Variants in ANTXR1 observed in about 807,000 individuals in gnomAD.
ANTXR1 encodes the protein anthrax toxin receptor 1.
In ANTXR1, 19 loss-of-function variants were observed where a neutral mutation model predicts 78.1. The ratio of observed to expected loss-of-function variants is 0.24; its 90% CI spans 0.17 to 0.36. The LOEUF is 0.36. Ranked by LOEUF, ANTXR1 falls within the 10% of genes least tolerant of loss-of-function variation. The probability of loss-of-function intolerance (pLI) is 1.00; values close to 1 mark genes in which losing one functional copy is unlikely to be tolerated. For missense variants in ANTXR1, 518 were observed against 718.6 expected (o/e 0.72, Z 3.19); for synonymous variants, 273 against 260.5 (o/e 1.05, Z -0.46).
At chr2:69,159,436 AGTT>A (rs1290421479) in intron 13 of ANTXR1, among the ~76,000 whole-genome samples, 1 of 152,186 alleles carries the variant, frequency 6.6e-6, no homozygotes, top group Non-Finnish European at 1.5e-5. Flanking sequence ...TCCGGAAATT[AGTT>A]GCATAATTAT....
chr2:69,246,294 C>T lies in ANTXR1; in HGVS notation c.*809C>T, dbSNP rs1036687798. ...TGGCCAGACATGGACCCTAAATCAA[C>T]AGACAATGGCATTGTCGAAGAGCAA... On this transcript the variant is annotated 3_prime_UTR_variant, in exon 18 of 18. Transcript: ENST00000303714. 9 of 152,180 alleles carry T rather than the reference C, an allele frequency of 5.9e-5. No individual in the cohort carries two copies. The highest frequency in any genetic ancestry group is 2.2e-4 in the African/African-American group (9 of 41,438). The allele number at this position is 152,180 out of a possible 1,614,324, so 9.4% of individuals were successfully genotyped here.
intron 1 of ANTXR1, among the ~76,000 whole-genome samples, chr2:69,021,494 C>T (rs185495639): frequency 2.0e-5 from 3 of 152,250 alleles, no homozygotes; most frequent in African/African-American, 7.2e-5. Flanking sequence ...TTCTGGGAGC[C>T]AGGCTGGTGG....
At chr2:69,137,757 C>T (rs1357951484) in intron 12 of ANTXR1, among the ~76,000 whole-genome samples, 2 of 144,870 alleles carry the variant, frequency 1.4e-5, no homozygotes, top group African/African-American at 5.2e-5. Context: ...CCACCCTATG[C>T]TGTGCAAGAG....
intron 1 of ANTXR1, among the ~76,000 whole-genome samples, chr2:69,018,747 C>A (rs1429543013): frequency 1.3e-5 from 2 of 151,968 alleles, no homozygotes; most frequent in Non-Finnish European, 2.9e-5. Context: ...GACTCCCAGA[C>A]CAGCTCTTTC....
At chr2:69,244,440 C>A (rs1558671181) in intron 17 of ANTXR1, among the ~76,000 whole-genome samples, 1 of 152,214 alleles carries the variant, frequency 6.6e-6, no homozygotes, top group African/African-American at 2.4e-5. Flanking sequence ...ACAGCCAGAA[C>A]AAGGGCAGGA....
intron 12 of ANTXR1, among the ~76,000 whole-genome samples, chr2:69,128,108 C>T (rs1358502209): frequency 2.0e-5 from 3 of 152,026 alleles, no homozygotes; most frequent in Non-Finnish European, 4.4e-5. Context: ...CCTGTAGTCC[C>T]AGCTACTTTG....
rs1670921980 is a variant in ANTXR1, at chr2:69,013,381, G to A, written c.-119G>A. On this transcript the variant is annotated 5_prime_UTR_variant, in exon 1 of 18. Transcript: ENST00000303714. The surrounding 1 kb of genome is among the most constrained non-coding windows in gnomAD (Gnocchi z 5.0). The stretch of plus-strand genomic sequence containing the variant: ...CAATTGCTTCCGGGGAGTTGCGAGG[G>A]AGCGAGGGGGAATAAAGGACCCGCG... The A allele has an allele frequency of 7.2e-7, 1 of 1,387,684 alleles. No homozygotes were observed. Among genetic ancestry groups the A allele is most frequent in the Non-Finnish European group, 9.9e-7 (1 of 1,006,396 alleles). The allele number at this position is 1,387,684 out of a possible 1,614,324, so 86.0% of individuals were successfully genotyped here.
chr2:69,108,318 C>T (rs1333040500), intron 10 of ANTXR1, among the ~76,000 whole-genome samples: 1 of 152,046 alleles, frequency 6.6e-6, no homozygotes, highest in African/African-American at 2.4e-5. Flanking sequence ...AGAGAGTGAA[C>T]AGAACTACTA....
rs550095686 is a variant in ANTXR1 at position 69,226,776 on chromosome 2, A to G, written c.1435-18449A>G. Among the ~76,000 whole-genome samples, 6 of 152,342 alleles carry G rather than the reference A, an allele frequency of 3.9e-5. No homozygotes were observed. In the East Asian group the frequency reaches 1.2e-3, roughly 29 times the overall value. ...TGGTAATTAGCGACATTCTTTATTT[A>G]TAATCCAGGTGCTGAAATCCCCCCA... On this transcript the variant is annotated intron_variant, in intron 17 of 17. Coordinates refer to ENST00000303714, the MANE Select transcript of ANTXR1 (RefSeq NM_032208.3).
chr2:69,179,646 A>T (rs1455181416), intron 14 of ANTXR1, among the ~76,000 whole-genome samples: 1 of 152,228 alleles, frequency 6.6e-6, no homozygotes. Flanking sequence ...AGACTGGCCA[A>T]TGCTGAGAAA....
At chr2:69,226,534 C>T (rs1675459719) in intron 17 of ANTXR1, among the ~76,000 whole-genome samples, 1 of 152,090 alleles carries the variant, frequency 6.6e-6, no homozygotes, top group Non-Finnish European at 1.5e-5. Flanking sequence ...TGCTGCAAGC[C>T]AGGAGCAGCA....
chr2:69,029,167 T>A (rs1182951297), intron 1 of ANTXR1, among the ~76,000 whole-genome samples: 1 of 151,922 alleles, frequency 6.6e-6, no homozygotes, highest in Non-Finnish European at 1.5e-5. Flanking sequence ...AGGCAGAGAT[T>A]GCAGTGAGCC....
In ANTXR1 at chr2:69,224,876, T is replaced by A. The variant is rs115227967; in HGVS notation, c.1435-20349T>A. ...TGTGACTAACATATGAAAAGAAATC[T>A]TCTTGGAGATTAAACAAGTCTCTCT... On this transcript the variant is annotated intron_variant, in intron 17 of 17. Coordinates refer to ENST00000303714, the MANE Select transcript of ANTXR1 (RefSeq NM_032208.3). Among the ~76,000 whole-genome samples the A allele has an allele frequency of 5.4e-3, 829 of 152,334 alleles. 8 individuals carry two copies. Among genetic ancestry groups the A allele is most frequent in the African/African-American group, 0.019 (795 of 41,576 alleles).
intron 17 of ANTXR1, among the ~76,000 whole-genome samples, chr2:69,210,935 C>CAAAAAAAA (rs1159790329): frequency 4.6e-5 from 2 of 43,504 alleles, no homozygotes; most frequent in Non-Finnish European, 1.1e-4. Context: ...GACTCCATCA[C>CAAAAAAAA]AAAAAAAAAA....
chr2:69,218,008 T>C (rs1675221419), intron 17 of ANTXR1, among the ~76,000 whole-genome samples: 1 of 152,142 alleles, frequency 6.6e-6, no homozygotes, highest in Non-Finnish European at 1.5e-5. Flanking sequence ...ATGGACAGGT[T>C]CTTCAGGGTG....
chr2:69,160,816 C>T (rs997311399), intron 13 of ANTXR1, among the ~76,000 whole-genome samples: 1 of 152,146 alleles, frequency 6.6e-6, no homozygotes, highest in African/African-American at 2.4e-5. Flanking sequence ...CTGTCACTAC[C>T]TGTACTCTCC....
intron 12 of ANTXR1, among the ~76,000 whole-genome samples, chr2:69,128,243 T>C (rs1672613042): frequency 6.7e-6 from 1 of 149,222 alleles, no homozygotes. Context: ...AAAAAAAAAT[T>C]TGTTTAGCCC....
intron 16 of ANTXR1, among the ~76,000 whole-genome samples, chr2:69,187,585 CTTTTTT>C (rs58660678): frequency 2.1e-5 from 2 of 94,898 alleles, no homozygotes; most frequent in African/African-American, 4.6e-5. Flanking sequence ...TCATGTATTT[CTTTTTT>C]TTTTTTTTTT....
intron 16 of ANTXR1, among the ~76,000 whole-genome samples, chr2:69,185,334 T>C (rs1278199325): frequency 6.7e-6 from 1 of 149,766 alleles, no homozygotes; most frequent in African/African-American, 2.5e-5. Flanking sequence ...AGGTCAGGAG[T>C]TTGAGACCAG....
Sources: gnomAD v4.1 joint callset for allele counts (sites outside exome capture counted in the v4.1 genomes callset) on GRCh38, gnomAD v4.1.1 for gene constraint, Gnocchi (gnomAD v3.1) non-coding constraint, MANE v1.5 for transcripts, NCBI Gene and HGNC (gene_info 2026-07-23, HGNC 2026-07-21) for gene names.